Variants in CBX6 observed in about 807,000 individuals in gnomAD.
CBX6 encodes the protein chromobox protein homolog 6.
In CBX6, 7 loss-of-function variants were observed where a neutral mutation model predicts 28.4. That is an observed-to-expected ratio of 0.25 (90% CI 0.14 to 0.46). CBX6 has a LOEUF of 0.46. Ranked by LOEUF, CBX6 falls within the 20% of genes least tolerant of loss-of-function variation. The pLI, the probability that CBX6 is intolerant of heterozygous loss-of-function variation, is 0.99. For synonymous variants in CBX6, 297 were observed against 273.4 expected, an observed-to-expected ratio of 1.09 and a Z score of -0.85; for missense variants, 512 against 606.1, an observed-to-expected ratio of 0.84 and a Z score of 1.63.
rs1408438156 is a variant in CBX6 at position 38,867,193 on chromosome 22, G to T, written c.255C>A (p.Ala85=). 6.5e-7 allele frequency: 1 copy of T among 1,535,288 alleles called. No individual in the cohort carries two copies. The highest frequency in any genetic ancestry group is 8.7e-7 in the Non-Finnish European group (1 of 1,145,970). ...CACTGATGCGGAGGGCCTCGGCCTG[G>T]GCCCGCGCCTGCGGGCAGAGGGAGG... ...KPKTFLLKAR[A]QAEALRISDV... is the part of the protein sequence containing the mutation. Residue 85 remains alanine, a synonymous_variant, in exon 5 of 5, where the codon GCC becomes GCA. Transcript: ENST00000407418.
rs2146216852 is a variant in CBX6 at position 38,871,811 on chromosome 22, C to G, written c.114-54G>C. On this transcript the variant is annotated intron_variant, in intron 2 of 4. Coordinates refer to ENST00000407418, the MANE Select transcript of CBX6 (RefSeq NM_014292.5). This position sits in a 1 kb window ranked among gnomAD's most constrained non-coding sequence, Gnocchi z 5.6. ...GATGAAGACCAGAGAGGGACAGGCA[C>G]GCGGCGAGAGCAAGAGCGCGCACCC... 1 of 1,591,202 alleles carries G rather than the reference C, an allele frequency of 6.3e-7. No homozygotes were observed. The highest frequency in any genetic ancestry group is 2.3e-5 in the East Asian group (1 of 44,422).
chr22:38,869,282 C>G (rs76856794), intron 4 of CBX6, among the ~76,000 whole-genome samples: 1 of 152,158 alleles, frequency 6.6e-6, no homozygotes, highest in African/African-American at 2.4e-5. Context: ...TGGTGACGGA[C>G]TGTTCCTGGG....
At position 38,871,650 on chromosome 22, in the gene CBX6, G is replaced by C; in HGVS notation, c.179+42C>G. 1 of 1,611,878 alleles carries C rather than the reference G, an allele frequency of 6.2e-7. No homozygotes were observed. The highest frequency in any genetic ancestry group is 8.5e-7 in the Non-Finnish European group (1 of 1,178,766). Reference sequence around the variant, plus strand: ...CTTCCCCGCGCGGCGCCCCAGCCGAGCCTCGGCCTCGCAGCCCCTGCCAGC... The same window carrying C: ...CTTCCCCGCGCGGCGCCCCAGCCGACCCTCGGCCTCGCAGCCCCTGCCAGC... On this transcript the variant is annotated intron_variant, in intron 3 of 4. Coordinates refer to ENST00000407418, the MANE Select transcript of CBX6 (RefSeq NM_014292.5). The surrounding 1 kb of genome is among the most constrained non-coding windows in gnomAD (Gnocchi z 5.6).
At position 38,871,623 on chromosome 22, in the gene CBX6, C is replaced by T; in HGVS notation, c.179+69G>A. The stretch of plus-strand genomic sequence containing the variant: ...TCCGCGCTGCCCTCCCCGGCTCTCC[C>T]GCTTCCCCGCGCGGCGCCCCAGCCG... On this transcript the variant is annotated intron_variant, in intron 3 of 4. Transcript: ENST00000407418. This position sits in a 1 kb window ranked among gnomAD's most constrained non-coding sequence, Gnocchi z 5.6. 2 of 1,610,934 alleles carry T rather than the reference C, an allele frequency of 1.2e-6. No individual in the cohort carries two copies. The highest frequency in any genetic ancestry group is 4.5e-5 in the East Asian group (2 of 44,808).
At position 38,871,589 on chromosome 22, in the gene CBX6, G is replaced by C. The variant is rs1369261354; in HGVS notation, c.180-43C>G. On this transcript the variant is annotated intron_variant, in intron 3 of 4. Coordinates refer to ENST00000407418, the MANE Select transcript of CBX6 (RefSeq NM_014292.5). This position sits in a 1 kb window ranked among gnomAD's most constrained non-coding sequence, Gnocchi z 5.6. Reference sequence around the variant, plus strand: ...CAGAGGTTAAAAAGAGCCCCTTCCCGGGCCCCACTCCGCGCTGCCCTCCCC... The same window carrying C: ...CAGAGGTTAAAAAGAGCCCCTTCCCCGGCCCCACTCCGCGCTGCCCTCCCC... The C allele has an allele frequency of 1.2e-6, 2 of 1,612,546 alleles. No homozygotes were observed. Among genetic ancestry groups the C allele is most frequent in the Non-Finnish European group, 1.7e-6 (2 of 1,179,088 alleles).
chr22:38,871,551 G>A lies in CBX6; in HGVS notation c.180-5C>T, dbSNP rs200227732. The A allele has an allele frequency of 5.0e-6, 8 of 1,613,718 alleles. No individual in the cohort carries two copies. In the East Asian group the frequency reaches 1.1e-4, roughly 22 times the overall value. ...TACAGCTCACGCTCCCTCTCCCTGC[G>A]GCCGAAAAACACCAGAGGTTAAAAA... On this transcript the variant is annotated splice_region_variant and splice_polypyrimidine_tract_variant and intron_variant, in intron 3 of 4. Transcript: ENST00000407418. This position sits in a 1 kb window ranked among gnomAD's most constrained non-coding sequence, Gnocchi z 5.6.
Position 38,866,872 on chromosome 22 carries a change from C to A in CBX6, c.576G>T (p.Gln192His). 3 of 1,600,880 alleles carry A rather than the reference C, an allele frequency of 1.9e-6. No individual in the cohort carries two copies. The highest frequency in any genetic ancestry group is 2.6e-6 in the Non-Finnish European group (3 of 1,175,154). ...DKGAGGGGAG[Q>H]GAGALARPKV... ...TGGGGCGGGCCAGCGCCCCGGCCCC[C>A]TGCCCGGCGCCCCCGCCGCCAGCGC... The change falls in exon 5 of 5, where the codon CAG becomes CAT. Residue 192 changes from glutamine to histidine, a missense_variant. Gln to His is a conservative substitution (Grantham distance 24). Coordinates refer to ENST00000407418, the MANE Select transcript of CBX6 (RefSeq NM_014292.5). This position sits in a 1 kb window ranked among gnomAD's most constrained non-coding sequence, Gnocchi z 7.5.
In CBX6 at chr22:38,865,888, G is replaced by A. The variant is rs959568236; in HGVS notation, c.*321C>T. ...CACCGAGAAATCAGACGCCGCACAGGAGAGCAGGAAGCAAGCTAGAGAGAC... is the reference window on the plus strand; with the variant it reads ...CACCGAGAAATCAGACGCCGCACAGAAGAGCAGGAAGCAAGCTAGAGAGAC... On this transcript the variant is annotated 3_prime_UTR_variant, in exon 5 of 5. Transcript: ENST00000407418. 1 of 358,646 alleles carries A rather than the reference G, an allele frequency of 2.8e-6. No homozygotes were observed. Among genetic ancestry groups the A allele is most frequent in the Admixed American group, 4.4e-5 (1 of 22,966 alleles). 22.2% of individuals were successfully genotyped at this position (358,646 alleles called of 1,614,324 possible). A position where few individuals can be genotyped will look rare whatever the true frequency, so the allele number is the denominator to read the frequency against.
chr22:38,871,336 C>A lies in CBX6; in HGVS notation c.246+144G>T, dbSNP rs2093181713. On this transcript the variant is annotated intron_variant, in intron 4 of 4. Coordinates refer to ENST00000407418, the MANE Select transcript of CBX6 (RefSeq NM_014292.5). This position sits in a 1 kb window ranked among gnomAD's most constrained non-coding sequence, Gnocchi z 5.6. ...CATCAGGGGCTTCTGGGGGGGCTCA[C>A]AACCACCCCCTGCCCAGCTGGGGCC... 1 of 745,368 alleles carries A rather than the reference C, an allele frequency of 1.3e-6. No individual in the cohort carries two copies. The allele number at this position is 745,368 out of a possible 1,614,324, so 46.2% of individuals were successfully genotyped here. A position where few individuals can be genotyped will look rare whatever the true frequency, so the allele number is the denominator to read the frequency against.
At chr22:38,869,137 C>G (rs2093176832) in intron 4 of CBX6, among the ~76,000 whole-genome samples, 1 of 152,210 alleles carries the variant, frequency 6.6e-6, no homozygotes, top group Admixed American at 6.5e-5. Flanking sequence ...CAGGGAAAAG[C>G]CCAGGCTTTT....
Position 38,871,835 on chromosome 22 carries a change from C to A in CBX6, c.113+67G>T. ...ACGCGGCGAGAGCAAGAGCGCGCAC[C>A]CCCACCCCAGGCCCCGGTGCCCGCT... On this transcript the variant is annotated intron_variant, in intron 2 of 4. Transcript: ENST00000407418. This position sits in a 1 kb window ranked among gnomAD's most constrained non-coding sequence, Gnocchi z 5.6. 3 of 1,571,298 alleles carry A rather than the reference C, an allele frequency of 1.9e-6. No homozygotes were observed. In the African/African-American group the frequency reaches 4.0e-5, roughly 21 times the overall value.
chr22:38,869,282 C>T (rs76856794), intron 4 of CBX6, among the ~76,000 whole-genome samples: 1,949 of 152,270 alleles, frequency 0.013, 46 homozygotes, highest in African/African-American at 0.043. Context: ...TGGTGACGGA[C>T]TGTTCCTGGG....
At chr22:38,869,206 G>A (rs745879081) in intron 4 of CBX6, among the ~76,000 whole-genome samples, 19 of 152,222 alleles carry the variant, frequency 1.2e-4, no homozygotes, top group Non-Finnish European at 2.1e-4. Flanking sequence ...CTCTCAGAAA[G>A]TGTTTACTCC....
Position 38,871,280 on chromosome 22 carries a change from C to T in CBX6, c.246+200G>A. The stretch of plus-strand genomic sequence containing the variant: ...GGATTATCCCCAGTCCCAAAACCCT[C>T]TTGTTGAAGCTGATGCTGGCTGAGG... On this transcript the variant is annotated intron_variant, in intron 4 of 4. Transcript: ENST00000407418. The surrounding 1 kb of genome is among the most constrained non-coding windows in gnomAD (Gnocchi z 5.6). The T allele has an allele frequency of 1.5e-6, 1 of 658,922 alleles. No individual in the cohort carries two copies. The highest frequency in any genetic ancestry group is 2.7e-6 in the Non-Finnish European group (1 of 369,482). 40.8% of individuals were successfully genotyped at this position (658,922 alleles called of 1,614,324 possible).
In CBX6 at chr22:38,867,147, G is replaced by C. The variant is rs1202309311; in HGVS notation, c.301C>G (p.Pro101Ala). ...TTGGGCGAGGAGGCACTGGCGCTCG[G>C]CTTGACAGAGAAATGCACATCACTG... ...RISDVHFSVK[P>A]SASASSPKLH... Residue 101 changes from proline (P) to alanine (A), a missense_variant, in exon 5 of 5, where the codon CCG becomes GCG. This residue lies in a region of CBX6 where 123 missense variants were observed against 138.1 expected (regional missense o/e 0.89). Transcript: ENST00000407418. The C allele has an allele frequency of 1.9e-6, 3 of 1,561,874 alleles. No individual in the cohort carries two copies. In the African/African-American group the frequency reaches 4.1e-5, roughly 21 times the overall value.
At position 38,866,365 on chromosome 22, in the gene CBX6, C is replaced by A; in HGVS notation, c.1083G>T (p.Glu361Asp). Residue 361 changes from glutamate to aspartate, a missense_variant, in exon 5 of 5, where the codon GAG (glutamate) becomes GAT (aspartate). Glu to Asp is a conservative substitution (Grantham distance 45). Around this residue, in one of 7 missense-constraint regions of CBX6, gnomAD observed 290 missense variants for 274.1 expected, o/e 1.06. Coordinates refer to ENST00000407418, the MANE Select transcript of CBX6 (RefSeq NM_014292.5). This position sits in a 1 kb window ranked among gnomAD's most constrained non-coding sequence, Gnocchi z 7.5. ...SEPEAGDWRP[E>D]MSPCSNVVVT... ...CGACCACATTGGAGCAGGGTGACAT[C>A]TCGGGGCGCCAGTCCCCAGCCTCGG... 6.2e-7 allele frequency: 1 copy of A among 1,613,726 alleles called. No homozygotes were observed. The highest frequency in any genetic ancestry group is 8.5e-7 in the Non-Finnish European group (1 of 1,179,964).
chr22:38,870,193 GTCACTTTCCCT>G lies in CBX6; in HGVS notation c.246+1276_246+1286del, dbSNP rs1354708032. ...AGCCAGGAAGCTGGACCTCGGGTAA[GTCACTTTCCCT>G]TCCTGGGCCTTGATTTTTTATCTGT... On this transcript the variant is annotated intron_variant, in intron 4 of 4. Transcript: ENST00000407418. This position sits in a 1 kb window ranked among gnomAD's most constrained non-coding sequence, Gnocchi z 4.3. 1 of 152,236 alleles carries G rather than the reference GTCACTTTCCCT, an allele frequency of 6.6e-6. No individual in the cohort carries two copies. Among genetic ancestry groups the G allele is most frequent in the Admixed American group, 6.5e-5 (1 of 15,280 alleles). 9.4% of individuals were successfully genotyped at this position (152,236 alleles called of 1,614,324 possible). A position where few individuals can be genotyped will look rare whatever the true frequency, so the allele number is the denominator to read the frequency against.
rs114863931 is a variant in CBX6 at position 38,866,461 on chromosome 22, C to A, written c.987G>T (p.Pro329=). 3.5e-3 allele frequency: 5,554 copies of A among 1,605,408 alleles called. 162 individuals are homozygous for A. The African/African-American group carries it at 0.066, about 19-fold the overall frequency. ...PESAATSKRA[P]PEVTAAAGPA... ...GGCCGGCAGCAGCTGTGACCTCAGG[C>A]GGTGCCCGCTTGCTGGTGGCTGCCG... The change falls in exon 5 of 5, where the codon CCG becomes CCT. Residue 329 remains proline (P), a synonymous_variant. Transcript: ENST00000407418. The surrounding 1 kb of genome is among the most constrained non-coding windows in gnomAD (Gnocchi z 7.5).
rs2093178907 is a variant in CBX6, at chr22:38,870,158, G to A, written c.246+1322C>T. ...TCAAGGCACAAGATGAAGAAAAGGAGACAGGATGAAGCCAGGAAGCTGGAC... is the reference window on the plus strand; with the variant it reads ...TCAAGGCACAAGATGAAGAAAAGGAAACAGGATGAAGCCAGGAAGCTGGAC... On this transcript the variant is annotated intron_variant, in intron 4 of 4. Coordinates refer to ENST00000407418, the MANE Select transcript of CBX6 (RefSeq NM_014292.5). The surrounding 1 kb of genome is among the most constrained non-coding windows in gnomAD (Gnocchi z 4.3). 2 of 152,230 alleles carry A rather than the reference G, an allele frequency of 1.3e-5. No homozygotes were observed. Among genetic ancestry groups the A allele is most frequent in the South Asian group, 2.1e-4 (1 of 4,824 alleles). 9.4% of individuals were successfully genotyped at this position (152,230 alleles called of 1,614,324 possible).
Sources: gnomAD v4.1 joint callset for allele counts (sites outside exome capture counted in the v4.1 genomes callset) on GRCh38, gnomAD v4.1.1 for gene constraint, gnomAD v4.1.1 regional missense constraint, Gnocchi (gnomAD v3.1) non-coding constraint, MANE v1.5 for transcripts, NCBI Gene and HGNC (gene_info 2026-07-23, HGNC 2026-07-21) for gene names.